ACTMAP: variants seen among roughly 807,000 people sequenced by gnomAD.
ACTMAP encodes the protein UPF0692 protein C19orf54.
chr19:40,747,672 A>G, the ACTMAP span, among the ~76,000 whole-genome samples: 1 of 152,098 alleles, frequency 6.6e-6, no homozygotes, highest in South Asian at 2.1e-4. Context: ...CCTGGGCAAC[A>G]CAGCAAGACT....
At chr19:40,745,099 T>C in the ACTMAP span, 1 of 1,551,162 alleles carries the variant, frequency 6.4e-7, no homozygotes. Context: ...AGGCAGCAGA[T>C]GGGCTGGGGT....
the ACTMAP span, chr19:40,743,971 C>G: frequency 1.2e-6 from 2 of 1,614,024 alleles, no homozygotes; most frequent in South Asian, 1.1e-5. Context: ...AAGTCCTCGT[C>G]GTAGCTGGTG....
the ACTMAP span, chr19:40,741,721 A>G: frequency 1.3e-5 from 6 of 456,708 alleles, no homozygotes; most frequent in South Asian, 9.3e-5. Flanking sequence ...ATGTGACCTC[A>G]GGCCAGTGAT....
the ACTMAP span, chr19:40,742,640 TCCCGGGGAG>T: frequency 6.2e-7 from 1 of 1,613,334 alleles, no homozygotes; most frequent in Non-Finnish European, 8.5e-7. Flanking sequence ...GGTAGACAGC[TCCCGGGGAG>T]CCCTCCTCTG....
the ACTMAP span, chr19:40,742,422 C>T: frequency 4.7e-3 from 6,782 of 1,452,868 alleles, 101 homozygotes; most frequent in East Asian, 0.039. Context: ...AGCCTGAGAC[C>T]GCAGCCGCAG....
chr19:40,746,535 C>T, the ACTMAP span, among the ~76,000 whole-genome samples: 3 of 152,162 alleles, frequency 2.0e-5, no homozygotes, highest in African/African-American at 4.8e-5. Context: ...GCCACCACAC[C>T]TGGCTAATTT....
At chr19:40,742,240 G>C in the ACTMAP span, 6 of 718,422 alleles carry the variant, frequency 8.4e-6, no homozygotes, top group Non-Finnish European at 1.5e-5. Context: ...CAGGCCGCAG[G>C]GTCCGGGCTG....
At chr19:40,743,820 G>C in the ACTMAP span, 4 of 1,539,658 alleles carry the variant, frequency 2.6e-6, no homozygotes, top group African/African-American at 5.5e-5. Context: ...GGAGGCACCA[G>C]CACAAGGGGT....
At chr19:40,744,342 G>C in the ACTMAP span, 1 of 1,379,294 alleles carries the variant, frequency 7.3e-7, no homozygotes, top group South Asian at 1.5e-5. Flanking sequence ...GAGCGTGAGT[G>C]GCTTGTCCAT....
chr19:40,742,735 C>T, the ACTMAP span: 59 of 1,611,004 alleles, frequency 3.7e-5, no homozygotes, highest in Admixed American at 3.2e-4. Context: ...TCAGTGTAGC[C>T]GAGACTGGGC....
At chr19:40,749,291 T>C in the ACTMAP span, among the ~76,000 whole-genome samples, 3 of 152,152 alleles carry the variant, frequency 2.0e-5, no homozygotes, top group African/African-American at 4.8e-5. Context: ...GCACCCGGAC[T>C]GGACTGGGCA....
the ACTMAP span, chr19:40,744,594 T>C: frequency 1.9e-6 from 3 of 1,613,796 alleles, no homozygotes; most frequent in African/African-American, 2.7e-5. Context: ...GTAGCCTCTT[T>C]CCGTGGCCAC....
chr19:40,748,174 T>C, the ACTMAP span, among the ~76,000 whole-genome samples: 1 of 152,070 alleles, frequency 6.6e-6, no homozygotes, highest in Admixed American at 6.5e-5. Context: ...GTTATAAATG[T>C]GTCCGGAGGC....
the ACTMAP span, among the ~76,000 whole-genome samples, chr19:40,743,048 C>T: frequency 6.6e-5 from 10 of 152,222 alleles, no homozygotes; most frequent in African/African-American, 2.4e-4. Context: ...CGGTCATCCT[C>T]AGCTCTTTAG....
the ACTMAP span, chr19:40,744,414 T>G: frequency 7.0e-7 from 1 of 1,436,056 alleles, no homozygotes; most frequent in East Asian, 2.5e-5. Flanking sequence ...CAAGTCCATC[T>G]TGTAACCTCT....
At chr19:40,744,854 G>A in the ACTMAP span, 8 of 1,097,998 alleles carry the variant, frequency 7.3e-6, no homozygotes, top group South Asian at 1.2e-4. Context: ...AGGGCTGGGG[G>A]TGGAAGGCGG....
chr19:40,742,751 C>A, the ACTMAP span: 1 of 1,609,372 alleles, frequency 6.2e-7, no homozygotes, highest in Non-Finnish European at 8.5e-7. Flanking sequence ...TGGGCACAGC[C>A]CGAACACCCA....
the ACTMAP span, chr19:40,743,878 G>C: frequency 3.7e-6 from 6 of 1,611,250 alleles, no homozygotes; most frequent in Non-Finnish European, 5.1e-6. Context: ...CAGGTTGAGG[G>C]GTGCAGACAA....
chr19:40,749,686 C>G, the ACTMAP span: 1 of 1,533,970 alleles, frequency 6.5e-7, no homozygotes, highest in Non-Finnish European at 8.8e-7. Context: ...GATGGTAAAG[C>G]TGAAAAGTCC....
Sources: allele counts gnomAD v4.1 joint callset (sites outside exome capture counted in the v4.1 genomes callset), GRCh38; gene constraint gnomAD v4.1.1; transcripts MANE v1.5; gene names NCBI Gene and HGNC (gene_info 2026-07-23, HGNC 2026-07-21).